Variants in RBM47 observed in about 807,000 individuals in gnomAD.
The protein encoded by RBM47 is RNA-binding protein 47.
In RBM47, 21 loss-of-function variants were observed where a neutral mutation model predicts 47.1. That is an observed-to-expected ratio of 0.45 (90% CI 0.32 to 0.64). The LOEUF (loss-of-function observed/expected upper bound fraction) is 0.64. Ranked by LOEUF, RBM47 falls within the 30% of genes least tolerant of loss-of-function variation. RBM47 has a pLI of 0.05. For missense variants in RBM47, 708 were observed against 870.9 expected (o/e 0.81, Z 2.35); for synonymous variants, 375 against 361.7 (o/e 1.04, Z -0.42).
intron 1 of RBM47, among the ~76,000 whole-genome samples, chr4:40,551,563 A>C (rs1232580956): frequency 6.6e-6 from 1 of 152,140 alleles, no homozygotes; most frequent in Non-Finnish European, 1.5e-5. Context: ...ATAAAATAAC[A>C]AGCACTTTTA....
At chr4:40,573,152 C>CAAAAA (rs369450436) in intron 1 of RBM47, among the ~76,000 whole-genome samples, 1 of 63,860 alleles carries the variant, frequency 1.6e-5, no homozygotes, top group Non-Finnish European at 3.7e-5. Flanking sequence ...GACTTCATCT[C>CAAAAA]AAAAAAAAAA....
At chr4:40,447,239 A>G (rs1714669523) in intron 3 of RBM47, among the ~76,000 whole-genome samples, 1 of 152,242 alleles carries the variant, frequency 6.6e-6, no homozygotes, top group Non-Finnish European at 1.5e-5. Flanking sequence ...AATATATTTG[A>G]AATAAATCAT....
intron 2 of RBM47, among the ~76,000 whole-genome samples, chr4:40,519,810 C>A (rs997207599): frequency 6.6e-6 from 1 of 151,960 alleles, no homozygotes; most frequent in Non-Finnish European, 1.5e-5. Flanking sequence ...GATGGGACAA[C>A]AGGCGCCCGC....
At chr4:40,457,434 A>C (rs951566244) in intron 3 of RBM47, among the ~76,000 whole-genome samples, 12 of 151,820 alleles carry the variant, frequency 7.9e-5, no homozygotes, top group South Asian at 2.1e-4. Flanking sequence ...AAAAAAAAAA[A>C]AAAACAAAAA....
chr4:40,428,322 TA>T (rs1359042158), intron 6 of RBM47, among the ~76,000 whole-genome samples: 1 of 152,226 alleles, frequency 6.6e-6, no homozygotes, highest in African/African-American at 2.4e-5. Context: ...GTACTATGAT[TA>T]TATGGAGTTG....
At chr4:40,571,452 G>A (rs1207417780) in intron 1 of RBM47, among the ~76,000 whole-genome samples, 3 of 151,934 alleles carry the variant, frequency 2.0e-5, no homozygotes, top group Admixed American at 2.0e-4. Context: ...ACCAGGATAA[G>A]TCCTGAGTAA....
rs879683359 is a variant in RBM47 at position 40,502,727 on chromosome 4, C to CATG, written c.-154-36029_-154-36028insCAT. Among the ~76,000 whole-genome samples the CATG allele has an allele frequency of 2.9e-3, 437 of 152,098 alleles. 2 individuals carry two copies. The highest frequency in any genetic ancestry group is 9.3e-3 in the African/African-American group (385 of 41,488). On this transcript the variant is annotated intron_variant, in intron 2 of 6. Coordinates refer to ENST00000295971, the MANE Select transcript of RBM47 (RefSeq NM_001098634.2). Reference sequence around the variant, plus strand: ...CAGGTGTGGTGACATGCACCTGTAGCTCCAGCTATTCAGGAGGTTGAGGCA... The same window carrying CATG: ...CAGGTGTGGTGACATGCACCTGTAGCATGTCCAGCTATTCAGGAGGTTGAGGCA...
At chr4:40,465,362 T>C (rs1421526128) in intron 3 of RBM47, among the ~76,000 whole-genome samples, 4 of 151,978 alleles carry the variant, frequency 2.6e-5, no homozygotes, top group East Asian at 1.9e-4. Context: ...ACTAGATCCA[T>C]AGAAAGATCT....
intron 2 of RBM47, among the ~76,000 whole-genome samples, chr4:40,488,947 T>G (rs1046915651): frequency 6.6e-6 from 1 of 152,218 alleles, no homozygotes; most frequent in Non-Finnish European, 1.5e-5. Flanking sequence ...ATTAAATAAG[T>G]GTTCAAAGTC....
intron 1 of RBM47, among the ~76,000 whole-genome samples, chr4:40,552,784 GGCC>G (rs1245172520): frequency 6.6e-6 from 1 of 152,048 alleles, no homozygotes; most frequent in Non-Finnish European, 1.5e-5. Context: ...CTGGCCTTCT[GGCC>G]GTTTCTTAAA....
In RBM47 at chr4:40,453,391, A is replaced by G. The variant is rs1388700652; in HGVS notation, c.-32+13186T>C. The stretch of plus-strand genomic sequence containing the variant: ...GACTTCAGGGAATAAGCCAGCTATC[A>G]CATGTAGCCGAGGATTGAAAATCTG... On this transcript the variant is annotated intron_variant, in intron 3 of 6. Coordinates refer to ENST00000295971, the MANE Select transcript of RBM47 (RefSeq NM_001098634.2). Among the ~76,000 whole-genome samples, 4 of 152,208 alleles carry G rather than the reference A, an allele frequency of 2.6e-5. No individual in the cohort carries two copies. In the East Asian group the frequency reaches 5.8e-4, roughly 22 times the overall value.
chr4:40,617,263 T>C (rs963227422), intron 1 of RBM47, among the ~76,000 whole-genome samples: 3 of 152,078 alleles, frequency 2.0e-5, no homozygotes, highest in African/African-American at 7.2e-5. Flanking sequence ...CTATTAAATA[T>C]ATATGGCATT....
chr4:40,569,411 A>AT (rs34044561), intron 1 of RBM47, among the ~76,000 whole-genome samples: 6,067 of 140,100 alleles, frequency 0.043, 327 homozygotes, highest in African/African-American at 0.12. Flanking sequence ...TTCTATTCTC[A>AT]TTTTTTTTTT....
intron 2 of RBM47, among the ~76,000 whole-genome samples, chr4:40,521,822 G>A (rs891377909): frequency 3.9e-5 from 6 of 152,060 alleles, no homozygotes; most frequent in African/African-American, 7.2e-5. Flanking sequence ...CTAACTCTGG[G>A]TGTACTGCCT....
chr4:40,538,329 T>G (rs997497723), intron 2 of RBM47, among the ~76,000 whole-genome samples: 3 of 49,540 alleles, frequency 6.1e-5, no homozygotes, highest in East Asian at 6.3e-4. Flanking sequence ...ATTGGTATTG[T>G]TTTTTTTTTT....
intron 1 of RBM47, among the ~76,000 whole-genome samples, chr4:40,567,830 T>C (rs1731239392): frequency 1.3e-5 from 2 of 151,956 alleles, no homozygotes; most frequent in Non-Finnish European, 2.9e-5. Flanking sequence ...ACAAATCTAA[T>C]ATCACAATAT....
chr4:40,449,070 G>C (rs1228293161), intron 3 of RBM47, among the ~76,000 whole-genome samples: 2 of 152,150 alleles, frequency 1.3e-5, no homozygotes, highest in Non-Finnish European at 2.9e-5. Flanking sequence ...GCCCACTCTC[G>C]GGCAGGCCCC....
At chr4:40,478,186 T>A (rs1719905635) in intron 2 of RBM47, among the ~76,000 whole-genome samples, 1 of 151,970 alleles carries the variant, frequency 6.6e-6, no homozygotes, top group African/African-American at 2.4e-5. Context: ...CGGATAATTT[T>A]GTATTTTTAG....
At chr4:40,431,223 T>A (rs1715940033) in intron 6 of RBM47, among the ~76,000 whole-genome samples, 2 of 152,228 alleles carry the variant, frequency 1.3e-5, no homozygotes, top group Non-Finnish European at 2.9e-5. Context: ...GTTAAATGGA[T>A]GTCCTCCCTA....
Sources: gnomAD v4.1 joint callset for allele counts (sites outside exome capture counted in the v4.1 genomes callset) on GRCh38, gnomAD v4.1.1 for gene constraint, MANE v1.5 for transcripts, NCBI Gene and HGNC (gene_info 2026-07-23, HGNC 2026-07-21) for gene names.